Variants in RGS17 observed in about 807,000 individuals in gnomAD.
RGS17 encodes the protein regulator of G-protein signaling 17.
RGS17 carries 12 observed loss-of-function variants against 25.5 expected under a neutral mutation model. The ratio of observed to expected loss-of-function variants is 0.47; its 90% CI spans 0.30 to 0.76. RGS17 has a LOEUF of 0.76. Ranked by LOEUF, RGS17 falls within the 30% of genes least tolerant of loss-of-function variation. The probability of loss-of-function intolerance (pLI) is 0.07; values close to 1 mark genes in which losing one functional copy is unlikely to be tolerated. For missense variants in RGS17, 196 were observed against 242.2 expected (o/e 0.81, Z 1.27); for synonymous variants, 71 against 76.9 (o/e 0.92, Z 0.40).
At chr6:153,131,100 C>T (rs1444032317) in intron 1 of RGS17, 24 bp downstream of exon 1, 2 of 152,092 alleles carry the variant, frequency 1.3e-5, no homozygotes, top group Admixed American at 1.3e-4. Context: ...CTTAGCACCG[C>T]TTGTTTTGGA....
chr6:153,045,642 T>C (rs1776376135), intron 1 of RGS17, among the ~76,000 whole-genome samples: 1 of 152,248 alleles, frequency 6.6e-6, no homozygotes, highest in Non-Finnish European at 1.5e-5. Flanking sequence ...TCTCACTCAA[T>C]GTGTTACCTG....
intron 1 of RGS17, among the ~76,000 whole-genome samples, chr6:153,109,396 T>C: frequency 6.6e-6 from 1 of 152,242 alleles, no homozygotes; most frequent in Non-Finnish European, 1.5e-5. Flanking sequence ...CTTGGTCAAT[T>C]GCACACAGGC....
rs1030784545 is a variant in RGS17 at position 153,011,186 on chromosome 6, A to G, written c.*388T>C. The G allele has an allele frequency of 2.5e-5, 4 of 162,504 alleles. No homozygotes were observed. Among genetic ancestry groups the G allele is most frequent in the African/African-American group, 4.8e-5 (2 of 41,634 alleles). The allele number at this position is 162,504 out of a possible 1,614,324, so 10.1% of individuals were successfully genotyped here. ...ATTATTTCTTAAGACCATATTGCACAAAAGTCCTTAAATACAGATATAAGT... is the reference window on the plus strand; with the variant it reads ...ATTATTTCTTAAGACCATATTGCACGAAAGTCCTTAAATACAGATATAAGT... On this transcript the variant is annotated 3_prime_UTR_variant, in exon 5 of 5. Transcript: ENST00000206262.
At chr6:153,117,808 T>G (rs1307717057) in intron 1 of RGS17, among the ~76,000 whole-genome samples, 1 of 152,224 alleles carries the variant, frequency 6.6e-6, no homozygotes, top group Non-Finnish European at 1.5e-5. Flanking sequence ...AAAACATTCA[T>G]TCCTTCAACA....
chr6:153,047,108 A>G (rs372970098), intron 1 of RGS17, among the ~76,000 whole-genome samples: 33 of 152,190 alleles, frequency 2.2e-4, no homozygotes, highest in African/African-American at 8.0e-4. Flanking sequence ...TAATCATCCT[A>G]CAATTTTATA....
At chr6:153,121,950 T>C (rs967563356) in intron 1 of RGS17, among the ~76,000 whole-genome samples, 1 of 152,238 alleles carries the variant, frequency 6.6e-6, no homozygotes, top group Non-Finnish European at 1.5e-5. Flanking sequence ...ATGAAATTAC[T>C]GAATTAATGG....
intron 1 of RGS17, among the ~76,000 whole-genome samples, chr6:153,058,397 G>C (rs775730684): frequency 6.6e-6 from 1 of 152,180 alleles, no homozygotes; most frequent in Non-Finnish European, 1.5e-5. Flanking sequence ...GAGGAAGAAA[G>C]ACTAATGGTT....
Position 153,011,807 on chromosome 6 carries a change from A to G in RGS17, c.445-45T>C, listed in dbSNP as rs201090401. 1,966 of 1,401,008 alleles carry G rather than the reference A, an allele frequency of 1.4e-3. 34 individuals are homozygous for G. The South Asian group carries it at 0.017, about 12-fold the overall frequency. The allele number at this position is 1,401,008 out of a possible 1,614,324, so 86.8% of individuals were successfully genotyped here. ...AATACATTAAATAATATTTTTTTCAAAAGACCTCAATTAAGTAACTGTAGG... is the reference window on the plus strand; with the variant it reads ...AATACATTAAATAATATTTTTTTCAGAAGACCTCAATTAAGTAACTGTAGG... On this transcript the variant is annotated intron_variant, in intron 4 of 4. Transcript: ENST00000206262.
At chr6:153,044,296 T>C (rs1383268704) in intron 1 of RGS17, among the ~76,000 whole-genome samples, 1 of 152,178 alleles carries the variant, frequency 6.6e-6, no homozygotes, top group African/African-American at 2.4e-5. Flanking sequence ...GTAATCAAGA[T>C]TGTTGGTAAA....
chr6:153,016,541 A>C (rs1371909359), intron 4 of RGS17, among the ~76,000 whole-genome samples: 20 of 152,206 alleles, frequency 1.3e-4, no homozygotes, highest in Admixed American at 1.3e-3. Context: ...CTTAAGACAA[A>C]TAAAATAAAC....
At position 153,054,087 on chromosome 6, in the gene RGS17, A is replaced by ATT. The variant is rs200350990; in HGVS notation, c.-25-10046_-25-10045dup. On this transcript the variant is annotated intron_variant, in intron 1 of 4. Transcript: ENST00000206262. ...ATATACATATATATATACACACAAT[A>ATT]TTTTTTATATATATATATATATATA... 4.1e-4 allele frequency among the ~76,000 whole-genome samples: 16 copies of ATT among 39,264 alleles called. 1 individual carries two copies. Among genetic ancestry groups the ATT allele is most frequent in the East Asian group, 3.3e-3 (2 of 598 alleles). 25.8% of individuals were successfully genotyped at this position (39,264 alleles called of 152,430 possible).
At chr6:153,105,494 T>C (rs1274988727) in intron 1 of RGS17, among the ~76,000 whole-genome samples, 1 of 152,158 alleles carries the variant, frequency 6.6e-6, no homozygotes, top group Non-Finnish European at 1.5e-5. Context: ...AATGAGCTTA[T>C]AACTTAGCTG....
At chr6:153,110,315 C>G (rs576201478) in intron 1 of RGS17, among the ~76,000 whole-genome samples, 1 of 152,072 alleles carries the variant, frequency 6.6e-6, no homozygotes, top group Admixed American at 6.6e-5. Flanking sequence ...TTCTAGTTTC[C>G]TCTTCAATTC....
intron 1 of RGS17, among the ~76,000 whole-genome samples, chr6:153,113,149 C>T (rs770903183): frequency 2.6e-5 from 4 of 152,110 alleles, no homozygotes; most frequent in Middle Eastern, 3.4e-3. Context: ...TGAAGAATCA[C>T]GACCCAACAG....
At chr6:153,026,628 A>G (rs1358287022) in intron 2 of RGS17, 85 bp from the exon 3 acceptor site, 2 of 973,794 alleles carry the variant, frequency 2.1e-6, no homozygotes, top group African/African-American at 1.6e-5. Context: ...GAAACATTTC[A>G]CAGGAGATCT....
At chr6:153,097,048 G>T (rs1777223537) in intron 1 of RGS17, among the ~76,000 whole-genome samples, 1 of 152,076 alleles carries the variant, frequency 6.6e-6, no homozygotes. Context: ...TAGCTTAACA[G>T]GCACTTTGAT....
intron 1 of RGS17, among the ~76,000 whole-genome samples, chr6:153,080,323 G>A (rs915283561): frequency 6.6e-6 from 1 of 152,086 alleles, no homozygotes; most frequent in African/African-American, 2.4e-5. Context: ...TATGTAAGCT[G>A]TTCATCATTG....
chr6:153,020,529 T>G lies in RGS17; in HGVS notation c.444+3733A>C, dbSNP rs186898591. Reference sequence around the variant, plus strand: ...ATATTCTTAAAATAAGGTAATGTAATTTTTAGCACATTGACTTCAATAGTT... The same window carrying G: ...ATATTCTTAAAATAAGGTAATGTAAGTTTTAGCACATTGACTTCAATAGTT... On this transcript the variant is annotated intron_variant, in intron 4 of 4. Coordinates refer to ENST00000206262, the MANE Select transcript of RGS17 (RefSeq NM_012419.5). Among the ~76,000 whole-genome samples, 35 of 152,256 alleles carry G rather than the reference T, an allele frequency of 2.3e-4. 1 individual carries two copies. The East Asian group carries it at 6.8e-3, about 29-fold the overall frequency.
At chr6:153,079,578 T>C (rs1460318786) in intron 1 of RGS17, among the ~76,000 whole-genome samples, 1 of 152,216 alleles carries the variant, frequency 6.6e-6, no homozygotes, top group African/African-American at 2.4e-5. Flanking sequence ...GGCTTTCTTT[T>C]TTATTTCACT....
Sources: allele counts gnomAD v4.1 joint callset (sites outside exome capture counted in the v4.1 genomes callset), GRCh38; gene constraint gnomAD v4.1.1; transcripts MANE v1.5; gene names NCBI Gene and HGNC (gene_info 2026-07-23, HGNC 2026-07-21).